Variants in PARP6 observed in about 807,000 individuals in gnomAD.
PARP6 encodes protein mono-ADP-ribosyltransferase PARP6.
PARP6 carries 27 observed loss-of-function variants against 92.0 expected under a neutral mutation model. The ratio of observed to expected loss-of-function variants is 0.29; its 90% CI spans 0.22 to 0.40. The LOEUF is 0.40. Among genes scored for constraint, PARP6 ranks in the 10% least tolerant of loss-of-function variants. The pLI, the probability that PARP6 is intolerant of heterozygous loss-of-function variation, is 1.00. For missense variants in PARP6, 501 were observed against 784.5 expected (o/e 0.64, Z 4.32); for synonymous variants, 272 against 281.2 (o/e 0.97, Z 0.33).
intron 11 of PARP6, among the ~76,000 whole-genome samples, chr15:72,258,474 A>G (rs924750601): frequency 1.3e-5 from 2 of 152,244 alleles, no homozygotes; most frequent in East Asian, 3.8e-4. Flanking sequence ...GTATTGCAAG[A>G]AATGAGATGA....
At chr15:72,254,270 T>C (rs2084758711) in intron 15 of PARP6, among the ~76,000 whole-genome samples, 185 bp downstream of exon 15, 1 of 151,628 alleles carries the variant, frequency 6.6e-6, no homozygotes, top group Non-Finnish European at 1.5e-5. Flanking sequence ...CTAAAGAGAA[T>C]AAAGAGGAGT....
intron 10 of PARP6, among the ~76,000 whole-genome samples, chr15:72,259,866 T>C (rs2085627249): frequency 6.6e-6 from 1 of 152,202 alleles, no homozygotes; most frequent in Non-Finnish European, 1.5e-5. Context: ...TCAAAGTAGA[T>C]GGAATAGGTT....
chr15:72,254,149 G>A (rs79654256), intron 15 of PARP6: 11,091 of 463,706 alleles, frequency 0.024, 197 homozygotes, highest in African/African-American at 0.039. Context: ...TCCCAACCCT[G>A]GGCAGAGGTC....
intron 16 of PARP6, among the ~76,000 whole-genome samples, chr15:72,252,302 A>G (rs764565901): frequency 1.3e-5 from 2 of 152,244 alleles, no homozygotes; most frequent in African/African-American, 2.4e-5. Context: ...CAAAGGACAC[A>G]AAAACCTATT....
At chr15:72,261,826 G>T in intron 8 of PARP6, 119 bp from the exon 9 acceptor site, 1 of 938,042 alleles carries the variant, frequency 1.1e-6, no homozygotes, top group Admixed American at 2.1e-5. Context: ...TTGTGGTAGG[G>T]GAATGTGTAT....
At chr15:72,253,868 G>A (rs1016231172) in intron 15 of PARP6, 2 of 458,184 alleles carry the variant, frequency 4.4e-6, no homozygotes, top group Non-Finnish European at 8.6e-6. Flanking sequence ...GCGTCCTCCT[G>A]ACAAGTAAAT....
chr15:72,259,001 G>A (rs139964433), intron 11 of PARP6, among the ~76,000 whole-genome samples: 30 of 152,284 alleles, frequency 2.0e-4, no homozygotes, highest in African/African-American at 7.0e-4. Context: ...ACAATTCAAG[G>A]CAGCCCATAG....
chr15:72,241,969 G>A lies in PARP6; in HGVS notation c.1722C>T (p.Asp574=). The change falls in exon 23 of 24, where the codon GAC becomes GAT. Residue 574 remains aspartate, a synonymous_variant. Coordinates refer to ENST00000569795, the MANE Select transcript of PARP6 (RefSeq NM_001323532.2). The surrounding 1 kb of genome is among the most constrained non-coding windows in gnomAD (Gnocchi z 4.1). ...CCCAGATGTTCCCATGCTTCTGGAG[G>A]TCCTTAGATGTAATCACTGGGAGAA... is the stretch of plus-strand genomic sequence containing the variant. ...IALCEVITSK[D]LQKHGNIWVC... 3 of 1,612,432 alleles carry A rather than the reference G, an allele frequency of 1.9e-6. No individual in the cohort carries two copies. The highest frequency in any genetic ancestry group is 2.5e-6 in the Non-Finnish European group (3 of 1,178,438).
intron 3 of PARP6, 87 bp from the exon 4 acceptor site, chr15:72,266,909 TC>T: frequency 1.0e-6 from 1 of 962,470 alleles, no homozygotes; most frequent in Non-Finnish European, 1.7e-6. Context: ...AGGAACAGAT[TC>T]CCACAAAGAT....
chr15:72,265,578 G>A, intron 5 of PARP6, 105 bp from the exon 6 acceptor site: 1 of 886,472 alleles, frequency 1.1e-6, no homozygotes, highest in South Asian at 1.4e-5. Context: ...GGAAAGGGAA[G>A]AGTGGATGAC....
intron 1 of PARP6, 113 bp from the exon 2 acceptor site, chr15:72,271,400 T>C (rs1039278331): frequency 2.6e-5 from 4 of 152,356 alleles, no homozygotes; most frequent in African/African-American, 9.6e-5. Context: ...AGGGACTTGC[T>C]TCCTCTACTC....
chr15:72,242,894 T>G lies in PARP6; in HGVS notation c.1562-195A>C, dbSNP rs1314923943. ...AACAACACAGCATGGTAAGGGGTTG[T>G]GATGCAGATTATAGAGCATGGTGTG... On this transcript the variant is annotated intron_variant, in intron 20 of 23. Coordinates refer to ENST00000569795, the MANE Select transcript of PARP6 (RefSeq NM_001323532.2). The surrounding 1 kb of genome is among the most constrained non-coding windows in gnomAD (Gnocchi z 4.3). 3 of 568,764 alleles carry G rather than the reference T, an allele frequency of 5.3e-6. No individual in the cohort carries two copies. In the East Asian group the frequency reaches 8.9e-5, roughly 17 times the overall value. The allele number at this position is 568,764 out of a possible 1,614,324, so 35.2% of individuals were successfully genotyped here.
Position 72,265,642 on chromosome 15 carries a change from T to C in PARP6, c.177-169A>G, listed in dbSNP as rs533955354. 9.8e-5 allele frequency among the ~76,000 whole-genome samples: 15 copies of C among 152,320 alleles called. No homozygotes were observed. In the South Asian group the frequency reaches 1.0e-3, roughly 11 times the overall value. On this transcript the variant is annotated intron_variant, in intron 5 of 23. Coordinates refer to ENST00000569795, the MANE Select transcript of PARP6 (RefSeq NM_001323532.2). ...CCTTACACCACTTACCTGATCAGGA[T>C]CTACTTCCAGGCCAAAAGCATTTCT...
At chr15:72,259,030 C>T (rs550530008) in intron 11 of PARP6, among the ~76,000 whole-genome samples, 2 of 152,244 alleles carry the variant, frequency 1.3e-5, no homozygotes, top group South Asian at 2.1e-4. Flanking sequence ...ACACAGGTGC[C>T]ATATGAAACA....
intron 16 of PARP6, 177 bp from the exon 17 acceptor site, chr15:72,251,432 T>C (rs1365610658): frequency 1.8e-5 from 9 of 491,534 alleles, no homozygotes; most frequent in South Asian, 5.0e-5. Flanking sequence ...ATAGTGCTTA[T>C]GAATAAAAAG....
At chr15:72,268,638 C>A (rs548437161) in intron 2 of PARP6, among the ~76,000 whole-genome samples, 61 of 152,286 alleles carry the variant, frequency 4.0e-4, no homozygotes, top group Non-Finnish European at 8.1e-4. Context: ...GCGGAGATTG[C>A]AGTGAGCCTA....
intron 12 of PARP6, among the ~76,000 whole-genome samples, chr15:72,257,692 C>T (rs184930870): frequency 1.8e-3 from 271 of 152,306 alleles, no homozygotes; most frequent in Non-Finnish European, 3.1e-3. Flanking sequence ...TGATTTTTAA[C>T]AATGCTAATA....
chr15:72,265,523 G>T, intron 5 of PARP6, 50 bp from the exon 6 acceptor site: 1 of 1,407,478 alleles, frequency 7.1e-7, no homozygotes, highest in Non-Finnish European at 1.0e-6. Context: ...GGAGAAAGAA[G>T]GGAATAGAAA....
chr15:72,246,059 A>T (rs1348722212), intron 20 of PARP6, among the ~76,000 whole-genome samples: 1 of 152,268 alleles, frequency 6.6e-6, no homozygotes, highest in African/African-American at 2.4e-5. Context: ...CCAGGCACAC[A>T]GAGTAAGATT....
Sources: gnomAD v4.1 joint callset for allele counts (sites outside exome capture counted in the v4.1 genomes callset) on GRCh38, gnomAD v4.1.1 for gene constraint, Gnocchi (gnomAD v3.1) non-coding constraint, MANE v1.5 for transcripts, NCBI Gene and HGNC (gene_info 2026-07-23, HGNC 2026-07-21) for gene names.